HGSNAT: variants seen among roughly 807,000 people sequenced by gnomAD.
HGSNAT encodes the protein heparan-alpha-glucosaminide N-acetyltransferase, also known as transmembrane protein 76.
A neutral mutation model predicts 85.2 loss-of-function variants in HGSNAT; 59 were observed. That is an observed-to-expected ratio of 0.69 (90% CI 0.56 to 0.86). The LOEUF (loss-of-function observed/expected upper bound fraction) is 0.86. Ranked by LOEUF, HGSNAT falls within the 40% of genes least tolerant of loss-of-function variation. HGSNAT has a pLI of 0.00. For synonymous variants in HGSNAT, 321 were observed against 304.5 expected (o/e 1.05, Z -0.56); for missense variants, 756 against 777.1 (o/e 0.97, Z 0.32).
At chr8:43,182,541 T>G in intron 11 of HGSNAT, 1 of 430,534 alleles carries the variant, frequency 2.3e-6, no homozygotes, top group Non-Finnish European at 4.4e-6. Flanking sequence ...CATCCCAGGC[T>G]TAAGCGATCC....
chr8:43,200,482 G>A lies in HGSNAT; in HGVS notation c.*913G>A, dbSNP rs2130827804. 1 of 152,210 alleles carries A rather than the reference G, an allele frequency of 6.6e-6. No homozygotes were observed. The highest frequency in any genetic ancestry group is 1.9e-4 in the East Asian group (1 of 5,200). The allele number at this position is 152,210 out of a possible 1,614,324, so 9.4% of individuals were successfully genotyped here. Reference sequence around the variant, plus strand: ...GGTAACAGACATCAAAAGCTTTTCTGAAATCTTCAGAAGAAATAGTTCCAT... The same window carrying A: ...GGTAACAGACATCAAAAGCTTTTCTAAAATCTTCAGAAGAAATAGTTCCAT... On this transcript the variant is annotated 3_prime_UTR_variant, in exon 18 of 18. Coordinates refer to ENST00000379644, the MANE Select transcript of HGSNAT (RefSeq NM_152419.3).
At chr8:43,162,721 G>T (rs971158787) in intron 5 of HGSNAT, among the ~76,000 whole-genome samples, 140 of 143,022 alleles carry the variant, frequency 9.8e-4, no homozygotes, top group Admixed American at 2.1e-3. Flanking sequence ...CTGGCTAATG[G>T]TTTTTTTTTT....
chr8:43,181,463 A>G (rs960850387), intron 10 of HGSNAT, among the ~76,000 whole-genome samples: 5 of 152,208 alleles, frequency 3.3e-5, no homozygotes, highest in Admixed American at 1.3e-4. Flanking sequence ...CGTTAGCAGA[A>G]GAGGACACAA....
chr8:43,145,912 TTC>T (rs1016086055), intron 1 of HGSNAT, among the ~76,000 whole-genome samples: 4 of 152,218 alleles, frequency 2.6e-5, no homozygotes, highest in African/African-American at 9.6e-5. Flanking sequence ...CCCCATTTTT[TTC>T]TTTTGGGTAA....
intron 4 of HGSNAT, among the ~76,000 whole-genome samples, chr8:43,161,132 A>G (rs1404321344): frequency 6.6e-6 from 1 of 152,202 alleles, no homozygotes; most frequent in East Asian, 1.9e-4. Flanking sequence ...TTAGCCAGAA[A>G]AAGCAGGACA....
chr8:43,194,737 T>C (rs1387007424), intron 14 of HGSNAT, among the ~76,000 whole-genome samples: 1 of 152,174 alleles, frequency 6.6e-6, no homozygotes, highest in Non-Finnish European at 1.5e-5. Flanking sequence ...TCTAAGGCCA[T>C]TCATGAGGGT....
intron 2 of HGSNAT, 114 bp from the exon 3 acceptor site, chr8:43,158,461 A>G (rs1803161981): frequency 1.9e-6 from 2 of 1,056,364 alleles, no homozygotes; most frequent in Non-Finnish European, 2.8e-6. Context: ...AGGTTTTTTT[A>G]TAAGTATGAA....
chr8:43,146,723 CTGTGTGTGTGCACATGCATGCATG>C (rs372144406), intron 1 of HGSNAT, among the ~76,000 whole-genome samples: 163 of 152,054 alleles, frequency 1.1e-3, no homozygotes, highest in Middle Eastern at 3.4e-3. Context: ...AAAAGGAGAC[CTGTGTGTGTGCACATGCATGCATG>C]TGTGTGTGTG....
rs1350702597 is a variant in HGSNAT, at chr8:43,197,967, A to T, written c.1726+15A>T. 6.4e-7 allele frequency: 1 copy of T among 1,564,008 alleles called. No homozygotes were observed. Among genetic ancestry groups the T allele is most frequent in the South Asian group, 1.1e-5 (1 of 89,242 alleles). On this transcript the variant is annotated intron_variant, in intron 17 of 17. Coordinates refer to ENST00000379644, the MANE Select transcript of HGSNAT (RefSeq NM_152419.3). ...CTTTTATCCAGGTAAGTCACCTCCAACCTCAAACAGAGCTGGGATGGTGAC... is the reference window on the plus strand; with the variant it reads ...CTTTTATCCAGGTAAGTCACCTCCATCCTCAAACAGAGCTGGGATGGTGAC...
At chr8:43,154,544 C>A (rs190509157) in intron 2 of HGSNAT, among the ~76,000 whole-genome samples, 3,598 of 152,100 alleles carry the variant, frequency 0.024, 140 homozygotes, top group African/African-American at 0.081. Context: ...TTATCGCTGC[C>A]TAGTATTCCA....
chr8:43,182,024 TA>T, intron 10 of HGSNAT, 120 bp from the exon 11 acceptor site: 3 of 788,916 alleles, frequency 3.8e-6, no homozygotes, highest in Non-Finnish European at 6.6e-6. Flanking sequence ...TCCAAGAGCT[TA>T]AAAAAGACTT....
At chr8:43,187,785 T>C (rs1388381569) in intron 11 of HGSNAT, among the ~76,000 whole-genome samples, 1 of 152,252 alleles carries the variant, frequency 6.6e-6, no homozygotes, top group Non-Finnish European at 1.5e-5. Context: ...TGGTACCGGT[T>C]GTTCCTTTCC....
rs1300555998 is a variant in HGSNAT at position 43,158,687 on chromosome 8, C to T, written c.347C>T (p.Thr116Ile). The change falls in exon 3 of 18, where the codon ACC (threonine) becomes ATC (isoleucine). Residue 116 changes from threonine to isoleucine, a missense_variant. Coordinates refer to ENST00000379644, the MANE Select transcript of HGSNAT (RefSeq NM_152419.3). ...GGATCTATCCTGCAGCTGAACGACA[C>T]CTTGGAAGAGAAAGAAGTTTGTAGG... The part of the protein sequence containing the change: ...QHGSILQLND[T>I]LEEKEVCRLE... 6.2e-7 allele frequency: 1 copy of T among 1,606,810 alleles called. No homozygotes were observed. The highest frequency in any genetic ancestry group is 1.3e-5 in the African/African-American group (1 of 74,658).
intron 17 of HGSNAT, among the ~76,000 whole-genome samples, chr8:43,198,280 C>CTTTTTTT (rs59416007): frequency 4.4e-5 from 4 of 90,328 alleles, no homozygotes; most frequent in Non-Finnish European, 8.4e-5. Context: ...GTTTCTGGTT[C>CTTTTTTT]TTTTTTTTTT....
At chr8:43,177,490 G>A (rs1187476975) in intron 9 of HGSNAT, among the ~76,000 whole-genome samples, 2 of 150,366 alleles carry the variant, frequency 1.3e-5, no homozygotes, top group Admixed American at 6.6e-5. Context: ...CCCAGGAGGC[G>A]GAGCTTGCAG....
chr8:43,196,252 T>C, intron 14 of HGSNAT: 1 of 340,780 alleles, frequency 2.9e-6, no homozygotes, highest in South Asian at 2.3e-5. Context: ...AAAATGTTGA[T>C]TAATATTAGC....
intron 5 of HGSNAT, among the ~76,000 whole-genome samples, chr8:43,162,154 G>C (rs1412921853): frequency 6.6e-6 from 1 of 152,194 alleles, no homozygotes; most frequent in Non-Finnish European, 1.5e-5. Context: ...AAAAGAATAA[G>C]AGTGAATTTT....
At chr8:43,167,118 A>C (rs1803458767) in intron 5 of HGSNAT, among the ~76,000 whole-genome samples, 1 of 152,228 alleles carries the variant, frequency 6.6e-6, no homozygotes, top group South Asian at 2.1e-4. Context: ...TGAGCAAAGG[A>C]AGTGGTTTCT....
intron 4 of HGSNAT, among the ~76,000 whole-genome samples, chr8:43,159,453 C>T (rs534504340): frequency 1.3e-3 from 191 of 151,938 alleles, no homozygotes; most frequent in African/African-American, 4.4e-3. Flanking sequence ...CTGGGCCTGG[C>T]GATGCGTGCC....
Sources: allele counts gnomAD v4.1 joint callset (sites outside exome capture counted in the v4.1 genomes callset), GRCh38; gene constraint gnomAD v4.1.1; transcripts MANE v1.5; gene names NCBI Gene and HGNC (gene_info 2026-07-23, HGNC 2026-07-21).